Variants in RPS6KA2 observed in about 807,000 individuals in gnomAD.
The protein encoded by RPS6KA2 is ribosomal protein S6 kinase alpha-2.
Under a neutral mutation model 91.8 loss-of-function variants are expected in RPS6KA2, and 42 were observed. The observed-to-expected ratio is 0.46, with a 90% CI of 0.36 to 0.59. The LOEUF is 0.59. Ranked by LOEUF, RPS6KA2 falls within the 20% of genes least tolerant of loss-of-function variation. The pLI is 0.00. For synonymous variants in RPS6KA2, 414 were observed against 393.6 expected (o/e 1.05, Z -0.61); for missense variants, 798 against 978.5 (o/e 0.82, Z 2.46).
chr6:166,735,848 C>G (rs558164365), intron 2 of RPS6KA2, among the ~76,000 whole-genome samples: 29 of 152,270 alleles, frequency 1.9e-4, no homozygotes, highest in African/African-American at 7.0e-4. Context: ...GGTCTGTGGC[C>G]GAGGGGTTGA....
chr6:166,763,444 C>G (rs538018495), intron 2 of RPS6KA2, among the ~76,000 whole-genome samples: 35 of 152,306 alleles, frequency 2.3e-4, no homozygotes, highest in African/African-American at 7.7e-4. Context: ...CCTCCATGCT[C>G]TTATCTGTAA....
At chr6:166,416,836 C>CTCTGCCACCACT (rs1479856704) in intron 19 of RPS6KA2, among the ~76,000 whole-genome samples, 1 of 152,086 alleles carries the variant, frequency 6.6e-6, no homozygotes, top group Non-Finnish European at 1.5e-5. Flanking sequence ...CTGTCGCCAC[C>CTCTGCCACCACT]TCTGCCACCA....
At position 166,662,381 on chromosome 6, in the gene RPS6KA2, G is replaced by A. The variant is rs961322943; in HGVS notation, c.124-123597C>T. On this transcript the variant is annotated intron_variant, in intron 2 of 21. Coordinates refer to the RPS6KA2 transcript ENST00000503859. The surrounding 1 kb of genome is among the most constrained non-coding windows in gnomAD (Gnocchi z 4.3). ...TGCAGGGGTGGTAAGAGATGGGTTG[G>A]CGCAGGAGGTATGAAAACTTACTCC... Among the ~76,000 whole-genome samples, 1 of 152,176 alleles carries A rather than the reference G, an allele frequency of 6.6e-6. No homozygotes were observed. The highest frequency in any genetic ancestry group is 1.5e-5 in the Non-Finnish European group (1 of 68,032).
chr6:166,848,888 C>T (rs1198871612), intron 2 of RPS6KA2, among the ~76,000 whole-genome samples: 1 of 151,456 alleles, frequency 6.6e-6, no homozygotes, highest in Non-Finnish European at 1.5e-5. Flanking sequence ...ACCCGTTCCC[C>T]AAAATCCTAT....
At position 166,508,081 on chromosome 6, in the gene RPS6KA2, C is replaced by CA; in HGVS notation, c.459+121_459+122insT. On this transcript the variant is annotated intron_variant, in intron 5 of 20. Transcript: ENST00000265678. This position sits in a 1 kb window ranked among gnomAD's most constrained non-coding sequence, Gnocchi z 4.3. Reference sequence around the variant, plus strand: ...CACACACTCACACATGCACACACCCCCACACACACACACGCACTCTCGCAC... The same window carrying CA: ...CACACACTCACACATGCACACACCCCACACACACACACACGCACTCTCGCAC... 1.6e-6 allele frequency: 1 copy of CA among 625,202 alleles called. No individual in the cohort carries two copies. Among genetic ancestry groups the CA allele is most frequent in the Admixed American group, 2.5e-5 (1 of 39,314 alleles). The allele number at this position is 625,202 out of a possible 1,614,324, so 38.7% of individuals were successfully genotyped here.
chr6:166,455,356 G>T (rs931573930), intron 12 of RPS6KA2, among the ~76,000 whole-genome samples: 1 of 152,164 alleles, frequency 6.6e-6, no homozygotes, highest in African/African-American at 2.4e-5. Flanking sequence ...CAGGCCGTGG[G>T]CAGATGGACG....
At position 166,665,393 on chromosome 6, in the gene RPS6KA2, T is replaced by C. The variant is rs965958164; in HGVS notation, c.124-126609A>G. Among the ~76,000 whole-genome samples the C allele has an allele frequency of 6.6e-6, 1 of 152,132 alleles. No homozygotes were observed. The highest frequency in any genetic ancestry group is 1.5e-5 in the Non-Finnish European group (1 of 68,030). On this transcript the variant is annotated intron_variant, in intron 2 of 21. Coordinates refer to the RPS6KA2 transcript ENST00000503859. This position sits in a 1 kb window ranked among gnomAD's most constrained non-coding sequence, Gnocchi z 4.5. ...TTGTCTGGTGTGCCTATACCCAATG[T>C]CACCCAAACCCAAAGAAGGGTTTGC...
rs1415085974 is a variant in RPS6KA2, at chr6:166,783,046, AGGTATTATTATTATTATTATT to A, written c.123+75133_123+75153del. 2.9e-3 allele frequency among the ~76,000 whole-genome samples: 409 copies of A among 139,918 alleles called. 3 individuals are homozygous for A. The highest frequency in any genetic ancestry group is 0.011 in the African/African-American group (391 of 37,190). 91.8% of individuals were successfully genotyped at this position (139,918 alleles called of 152,430 possible). A position where few individuals can be genotyped will look rare whatever the true frequency, so the allele number is the denominator to read the frequency against. On this transcript the variant is annotated intron_variant, in intron 2 of 21. Transcript: ENST00000503859. ...CTAAACTTGCTGCAGGGTATCTTTTAGGTATTATTATTATTATTATTATTATTATTATTATTATTATTATTA... is the reference window on the plus strand; with the variant it reads ...CTAAACTTGCTGCAGGGTATCTTTTAATTATTATTATTATTATTATTATTA...
At chr6:166,705,703 G>C (rs867466488) in intron 2 of RPS6KA2, among the ~76,000 whole-genome samples, 10 of 152,328 alleles carry the variant, frequency 6.6e-5, no homozygotes, top group African/African-American at 2.4e-4. Context: ...CACAATCCTA[G>C]ACATAGACAC....
chr6:166,628,728 G>A (rs1786985334), upstream of RPS6KA2, among the ~76,000 whole-genome samples: 1 of 152,188 alleles, frequency 6.6e-6, no homozygotes, highest in Admixed American at 6.5e-5. Flanking sequence ...TTGTTCCCAC[G>A]ACTCATCTCT....
chr6:166,580,450 C>T (rs9295353), intron 1 of RPS6KA2, among the ~76,000 whole-genome samples: 45,065 of 152,146 alleles, frequency 0.3, 7,207 homozygotes, highest in East Asian at 0.52. Flanking sequence ...ACATAAAATC[C>T]GCTAACACTC....
At chr6:166,692,299 C>T (rs1789230687) in intron 2 of RPS6KA2, among the ~76,000 whole-genome samples, 1 of 152,180 alleles carries the variant, frequency 6.6e-6, no homozygotes, top group African/African-American at 2.4e-5. Flanking sequence ...CGCTTATCCT[C>T]CTACCTCTGC....
chr6:166,475,762 G>A (rs931885403), intron 10 of RPS6KA2: 2 of 531,106 alleles, frequency 3.8e-6, no homozygotes, highest in Admixed American at 2.0e-5. Flanking sequence ...ATGTGGAGGT[G>A]GGAGAAATGC....
rs1361506632 is a variant in RPS6KA2 at position 166,500,553 on chromosome 6, C to A, written c.604+334G>T. ...TGCAAGGCCCACATTGCAGGCTACA[C>A]TCCAGCAAGACTCCAGATGTCTGCA... On this transcript the variant is annotated intron_variant, in intron 7 of 20. Transcript: ENST00000265678. This position sits in a 1 kb window ranked among gnomAD's most constrained non-coding sequence, Gnocchi z 4.3. 6.6e-6 allele frequency among the ~76,000 whole-genome samples: 1 copy of A among 152,202 alleles called. No individual in the cohort carries two copies. Among genetic ancestry groups the A allele is most frequent in the Non-Finnish European group, 1.5e-5 (1 of 68,040 alleles).
intron 2 of RPS6KA2, among the ~76,000 whole-genome samples, chr6:166,776,631 T>C (rs1160119067): frequency 6.6e-6 from 1 of 152,228 alleles, no homozygotes; most frequent in Non-Finnish European, 1.5e-5. Flanking sequence ...TCACCTGCTC[T>C]GGGCATTTGG....
chr6:166,627,202 C>T lies in RPS6KA2; in HGVS notation c.-183G>A. On this transcript the variant is annotated 5_prime_UTR_variant, in exon 1 of 21. Coordinates refer to ENST00000265678, the MANE Select transcript of RPS6KA2 (RefSeq NM_021135.6). ...GGGCAGGCCGCGCCGGCCACCGCGG[C>T]CGGGGCCACAATCGCTCCCTCCGCC... 9.6e-7 allele frequency: 1 copy of T among 1,040,716 alleles called. No individual in the cohort carries two copies. Among genetic ancestry groups the T allele is most frequent in the Non-Finnish European group, 1.2e-6 (1 of 867,270 alleles). The allele number at this position is 1,040,716 out of a possible 1,614,324, so 64.5% of individuals were successfully genotyped here.
chr6:166,432,467 G>C lies in RPS6KA2; in HGVS notation c.1356C>G (p.Asp452Glu). ...GGAGGATCTCAATCTCTTCCGAGGGGTCTCTCTTGCTCTTATCAATGATCT... is the reference window on the plus strand; with the variant it reads ...GGAGGATCTCAATCTCTTCCGAGGGCTCTCTCTTGCTCTTATCAATGATCT... The part of the protein sequence containing the change: ...AVKIIDKSKR[D>E]PSEEIEILLR... Residue 452 changes from aspartate to glutamate, a missense_variant, in exon 15 of 21, where the codon GAC (aspartate) becomes GAG (glutamate). By Grantham distance (45) the Asp-to-Glu change is conservative. Coordinates refer to ENST00000265678, the MANE Select transcript of RPS6KA2 (RefSeq NM_021135.6). 1 of 1,613,004 alleles carries C rather than the reference G, an allele frequency of 6.2e-7. No homozygotes were observed. The highest frequency in any genetic ancestry group is 8.5e-7 in the Non-Finnish European group (1 of 1,179,008).
intron 1 of RPS6KA2, among the ~76,000 whole-genome samples, chr6:166,567,367 A>C (rs530979374): frequency 6.6e-6 from 1 of 152,344 alleles, no homozygotes; most frequent in East Asian, 1.9e-4. Context: ...CCCATGGTTA[A>C]TAGGGAGACA....
chr6:166,588,369 T>G (rs374356145), intron 1 of RPS6KA2, among the ~76,000 whole-genome samples: 272 of 123,522 alleles, frequency 2.2e-3, no homozygotes, highest in African/African-American at 8.3e-3. Context: ...GGTGGCTTTC[T>G]GCAGAAAAAA....
Sources: allele counts gnomAD v4.1 joint callset (sites outside exome capture counted in the v4.1 genomes callset), GRCh38; gene constraint gnomAD v4.1.1; non-coding constraint Gnocchi (gnomAD v3.1); transcripts MANE v1.5; gene names NCBI Gene and HGNC (gene_info 2026-07-23, HGNC 2026-07-21).